The following LRRC7 variants were observed in gnomAD, a reference collection of about 807,000 sequenced individuals.
The protein encoded by LRRC7 is leucine rich repeat containing 7, also known as leucine-rich repeat-containing protein 7.
Under a neutral mutation model 175.7 loss-of-function variants are expected in LRRC7, and 23 were observed. The observed-to-expected ratio is 0.13, with a 90% CI of 0.09 to 0.19. LRRC7 has a LOEUF of 0.19. Ranked by LOEUF, LRRC7 falls within the 10% of genes least tolerant of loss-of-function variation. The pLI, the probability that LRRC7 is intolerant of heterozygous loss-of-function variation, is 1.00. For missense variants in LRRC7, 1,354 were observed against 1,904.7 expected (o/e 0.71, Z 5.38); for synonymous variants, 685 against 680.9 (o/e 1.01, Z -0.09).
At chr1:70,070,327 G>A (rs528998016) in intron 23 of LRRC7, among the ~76,000 whole-genome samples, 5 of 152,206 alleles carry the variant, frequency 3.3e-5, no homozygotes, top group African/African-American at 7.2e-5. Context: ...CTTTGCTGAC[G>A]ATTTCTAGTT....
At chr1:69,651,568 G>A (rs537874924) in intron 1 of LRRC7, among the ~76,000 whole-genome samples, 1 of 152,256 alleles carries the variant, frequency 6.6e-6, no homozygotes, top group East Asian at 1.9e-4. Flanking sequence ...CCCCTCCACA[G>A]AAATATTGAT....
chr1:69,869,914 T>C (rs1216300617), intron 7 of LRRC7, among the ~76,000 whole-genome samples: 3 of 152,198 alleles, frequency 2.0e-5, no homozygotes, highest in South Asian at 2.1e-4. Context: ...ATATTTCATT[T>C]TGAGATTCAT....
chr1:69,943,056 A>G lies in LRRC7; in HGVS notation c.711+11486A>G, dbSNP rs78272658. On this transcript the variant is annotated intron_variant, in intron 8 of 26. Transcript: ENST00000651989. ...GCCCAAGACAATTGTTTTTCTTCCA[A>G]TGTGGCCCAGGGAAGCCAGAAGATT... Among the ~76,000 whole-genome samples, 650 of 152,262 alleles carry G rather than the reference A, an allele frequency of 4.3e-3. 5 individuals carry two copies. The highest frequency in any genetic ancestry group is 0.014 in the African/African-American group (569 of 41,560).
At chr1:69,845,383 T>C (rs890638162) in intron 7 of LRRC7, among the ~76,000 whole-genome samples, 2 of 152,170 alleles carry the variant, frequency 1.3e-5, no homozygotes, top group African/African-American at 4.8e-5. Flanking sequence ...TACATATTTA[T>C]AATTATCACT....
At chr1:69,840,198 A>G (rs1393289259) in intron 7 of LRRC7, among the ~76,000 whole-genome samples, 2 of 152,024 alleles carry the variant, frequency 1.3e-5, no homozygotes, top group Non-Finnish European at 2.9e-5. Flanking sequence ...CATAAAATAT[A>G]GATAACTTTA....
intron 1 of LRRC7, among the ~76,000 whole-genome samples, chr1:69,654,581 C>T (rs1470063298): frequency 6.6e-6 from 1 of 152,022 alleles, no homozygotes; most frequent in East Asian, 1.9e-4. Context: ...TATCAGTGCA[C>T]TTATGTAGTT....
chr1:69,850,882 G>A (rs1385645324), intron 7 of LRRC7, among the ~76,000 whole-genome samples: 1 of 152,078 alleles, frequency 6.6e-6, no homozygotes, highest in Non-Finnish European at 1.5e-5. Flanking sequence ...AGTCATCAGT[G>A]TATAGATTAT....
At chr1:69,807,279 C>G (rs1343727245) in intron 4 of LRRC7, among the ~76,000 whole-genome samples, 1 of 151,988 alleles carries the variant, frequency 6.6e-6, no homozygotes, top group Non-Finnish European at 1.5e-5. Flanking sequence ...TTAATTGGAG[C>G]ATTTAGCCCA....
intron 1 of LRRC7, among the ~76,000 whole-genome samples, chr1:69,635,846 T>C (rs1653269046): frequency 6.6e-6 from 1 of 151,950 alleles, no homozygotes; most frequent in Non-Finnish European, 1.5e-5. Context: ...AAAAAAATAG[T>C]ATGTCAATAT....
chr1:69,978,389 G>C (rs1013579009), intron 8 of LRRC7, among the ~76,000 whole-genome samples: 2 of 152,196 alleles, frequency 1.3e-5, no homozygotes, highest in African/African-American at 4.8e-5. Flanking sequence ...TTGCTAGCCA[G>C]CCCTCTGTCT....
intron 7 of LRRC7, among the ~76,000 whole-genome samples, chr1:69,862,376 CT>C (rs1271691236): frequency 6.6e-6 from 1 of 152,020 alleles, no homozygotes; most frequent in East Asian, 1.9e-4. Flanking sequence ...GGAAATGAAA[CT>C]TTTTATAATA....
Position 70,016,509 on chromosome 1 carries a change from C to T in LRRC7, c.1295C>T (p.Ala432Val). 1.3e-6 allele frequency: 2 copies of T among 1,583,468 alleles called. No individual in the cohort carries two copies. Among genetic ancestry groups the T allele is most frequent in the Non-Finnish European group, 1.7e-6 (2 of 1,166,032 alleles). The change falls in exon 14 of 27, where the codon GCA (alanine) becomes GTA (valine). Residue 432 changes from alanine (A) to valine (V), a missense_variant. Physicochemically the swap from Ala to Val is moderately conservative, Grantham distance 64. Transcript: ENST00000651989. ...PFSFTKLKELAALWLSDNQSK... is the reference protein window; with the variant it reads ...PFSFTKLKELVALWLSDNQSK... ...TCATTTACCAAACTTAAAGAGCTTG[C>T]AGCTTTGTGGCTTTCTGACAATCAG...
In LRRC7 at chr1:70,121,798, G is replaced by A. The variant is rs1419013668; in HGVS notation, c.4639G>A (p.Val1547Ile). The A allele has an allele frequency of 3.1e-6, 5 of 1,610,556 alleles. No homozygotes were observed. In the African/African-American group the frequency reaches 5.3e-5, roughly 17 times the overall value. Reference sequence around the variant, plus strand: ...TTTACAGGCAAATGGACACAGTTTTGTACATATGGAACATGAAAAAGCTGT... The same window carrying A: ...TTTACAGGCAAATGGACACAGTTTTATACATATGGAACATGAAAAAGCTGT... ...KILQANGHSF[V>I]HMEHEKAVLL... Residue 1547 changes from valine to isoleucine, a missense_variant, in exon 27 of 27, where the codon GTA (valine) becomes ATA (isoleucine). Transcript: ENST00000651989.
chr1:69,735,379 A>G (rs1667998857), intron 2 of LRRC7, among the ~76,000 whole-genome samples: 1 of 152,144 alleles, frequency 6.6e-6, no homozygotes. Flanking sequence ...ATCTTTTAAA[A>G]GGTCCCATAT....
At chr1:69,612,861 G>A (rs1569930984) in intron 1 of LRRC7, among the ~76,000 whole-genome samples, 1 of 151,776 alleles carries the variant, frequency 6.6e-6, no homozygotes. Flanking sequence ...ATAACTTAAC[G>A]GGGTCAAGTA....
intron 26 of LRRC7, 105 bp downstream of exon 26, chr1:70,107,931 C>T (rs1665256048): frequency 9.9e-7 from 1 of 1,009,722 alleles, no homozygotes; most frequent in Non-Finnish European, 1.5e-6. Flanking sequence ...ATAAGTCCTT[C>T]TCACATTGCT....
intron 2 of LRRC7, among the ~76,000 whole-genome samples, chr1:69,723,359 A>G (rs1291928738): frequency 6.6e-6 from 1 of 152,122 alleles, no homozygotes; most frequent in East Asian, 1.9e-4. Context: ...AAAGCAGCAC[A>G]CCTTCATTTG....
At chr1:69,780,577 C>T (rs1422468753) in intron 3 of LRRC7, among the ~76,000 whole-genome samples, 1 of 152,066 alleles carries the variant, frequency 6.6e-6, no homozygotes, top group Non-Finnish European at 1.5e-5. Context: ...TGGAAGCTTA[C>T]AATTTCACCA....
chr1:69,723,563 T>G (rs1666600550), intron 2 of LRRC7, among the ~76,000 whole-genome samples: 1 of 152,216 alleles, frequency 6.6e-6, no homozygotes. Context: ...AAAACCTTCA[T>G]TTTCATGACT....
Sources: allele counts gnomAD v4.1 joint callset (sites outside exome capture counted in the v4.1 genomes callset), GRCh38; gene constraint gnomAD v4.1.1; transcripts MANE v1.5; gene names NCBI Gene and HGNC (gene_info 2026-07-23, HGNC 2026-07-21).